SETD2: variants seen among roughly 807,000 people sequenced by gnomAD.
The protein encoded by SETD2 is histone-lysine N-methyltransferase SETD2.
In SETD2, 31 loss-of-function variants were observed where a neutral mutation model predicts 242.1. That is an observed-to-expected ratio of 0.13 (90% CI 0.10 to 0.17). SETD2 has a LOEUF of 0.17. SETD2 is among the 10% of genes least tolerant of loss of function. The pLI, the probability that SETD2 is intolerant of heterozygous loss-of-function variation, is 1.00. For synonymous variants in SETD2, 1,006 were observed against 1,066.5 expected (o/e 0.94, Z 1.11); for missense variants, 2,481 against 3,046.3 (o/e 0.81, Z 4.37).
intron 1 of SETD2, among the ~76,000 whole-genome samples, chr3:47,140,460 T>C (rs1033048094): frequency 1.3e-5 from 2 of 152,176 alleles, no homozygotes; most frequent in African/African-American, 2.4e-5. Context: ...GTTTTCCTCA[T>C]TAGCAAAAAG....
intron 5 of SETD2, among the ~76,000 whole-genome samples, chr3:47,111,131 GC>G (rs1307159048): frequency 6.8e-6 from 1 of 148,108 alleles, no homozygotes. Flanking sequence ...GGCCTGGCTG[GC>G]TAGGGCAGAA....
At chr3:47,023,934 A>G (rs1425661917) in intron 18 of SETD2, among the ~76,000 whole-genome samples, 1 of 152,210 alleles carries the variant, frequency 6.6e-6, no homozygotes, top group African/African-American at 2.4e-5. Flanking sequence ...ATGTGTCTCA[A>G]GGTATTCTTC....
intron 12 of SETD2, among the ~76,000 whole-genome samples, chr3:47,071,501 A>G (rs1193598318): frequency 6.6e-6 from 1 of 152,220 alleles, no homozygotes; most frequent in Non-Finnish European, 1.5e-5. Flanking sequence ...CCCTGGAAAG[A>G]ACTACTGTTT....
chr3:47,125,469 A>C (rs2043294978), intron 2 of SETD2, among the ~76,000 whole-genome samples: 1 of 152,124 alleles, frequency 6.6e-6, no homozygotes, highest in Non-Finnish European at 1.5e-5. Flanking sequence ...TTTTTAAAAA[A>C]AACAAACAAA....
At chr3:47,159,993 A>G (rs1697442412) in intron 1 of SETD2, among the ~76,000 whole-genome samples, 1 of 151,804 alleles carries the variant, frequency 6.6e-6, no homozygotes, top group Non-Finnish European at 1.5e-5. Context: ...AAAAAAGCTA[A>G]ACCCCATCTC....
intron 18 of SETD2, among the ~76,000 whole-genome samples, chr3:47,027,210 C>T (rs993087770): frequency 2.0e-5 from 3 of 151,706 alleles, no homozygotes; most frequent in Admixed American, 6.6e-5. Context: ...TGGTGGCGGG[C>T]GCCTGTAGTC....
intron 14 of SETD2, among the ~76,000 whole-genome samples, chr3:47,058,888 G>A (rs1177992147): frequency 2.0e-5 from 3 of 151,122 alleles, no homozygotes; most frequent in Non-Finnish European, 4.4e-5. Flanking sequence ...TCCACCCCCC[G>A]GGTTCATGCC....
intron 9 of SETD2, among the ~76,000 whole-genome samples, chr3:47,093,924 C>G (rs980845652): frequency 6.6e-6 from 1 of 152,066 alleles, no homozygotes; most frequent in Non-Finnish European, 1.5e-5. Context: ...CAGCTTTCCA[C>G]GTTTATTGGC....
intron 6 of SETD2, among the ~76,000 whole-genome samples, chr3:47,104,739 C>T (rs1352038247): frequency 6.6e-6 from 1 of 152,146 alleles, no homozygotes; most frequent in African/African-American, 2.4e-5. Context: ...GTTCCTATGG[C>T]AGATTTCTGG....
At chr3:47,083,221 C>A (rs903245537) in intron 12 of SETD2, among the ~76,000 whole-genome samples, 1 of 152,150 alleles carries the variant, frequency 6.6e-6, no homozygotes, top group Admixed American at 6.5e-5. Flanking sequence ...TAAAAGCAGG[C>A]CCATTTCAGA....
chr3:47,036,537 A>G (rs2039003110), intron 18 of SETD2, among the ~76,000 whole-genome samples: 1 of 151,984 alleles, frequency 6.6e-6, no homozygotes, highest in Non-Finnish European at 1.5e-5. Flanking sequence ...AAACACAACA[A>G]CAAAACCCAC....
chr3:47,137,955 C>T (rs2043628644), intron 1 of SETD2, among the ~76,000 whole-genome samples: 1 of 151,396 alleles, frequency 6.6e-6, no homozygotes, highest in Admixed American at 6.6e-5. Context: ...TCCCAAAGTA[C>T]TGGGATTACA....
intron 17 of SETD2, among the ~76,000 whole-genome samples, chr3:47,039,211 A>C (rs1056016249): frequency 1.3e-5 from 2 of 151,934 alleles, no homozygotes; most frequent in African/African-American, 4.8e-5. Context: ...AAGAAATACA[A>C]ACTTTTTTTT....
chr3:47,088,098 CATT>C lies in SETD2; in HGVS notation c.5277+12_5277+14del. ...CACAAAACCAGAAATAAAAAACAAA[CATT>C]AAAGTGTTCACCTGTATGAGTTCCA... On this transcript the variant is annotated intron_variant, in intron 10 of 20. Coordinates refer to ENST00000409792, the MANE Select transcript of SETD2 (RefSeq NM_014159.7). 1 of 1,600,140 alleles carries C rather than the reference CATT, an allele frequency of 6.2e-7. No homozygotes were observed. The highest frequency in any genetic ancestry group is 8.5e-7 in the Non-Finnish European group (1 of 1,175,626).
At chr3:47,084,640 G>T (rs1298472928) in intron 11 of SETD2, among the ~76,000 whole-genome samples, 2 of 152,048 alleles carry the variant, frequency 1.3e-5, no homozygotes, top group South Asian at 2.1e-4. Flanking sequence ...TGGCCAGGCT[G>T]GTCTCAAACT....
chr3:47,064,494 A>T (rs903818271), intron 13 of SETD2: 1 of 193,984 alleles, frequency 5.2e-6, no homozygotes, highest in Non-Finnish European at 1.2e-5. Context: ...CCTAGTATAA[A>T]TTTCCTTAAA....
intron 1 of SETD2, among the ~76,000 whole-genome samples, chr3:47,143,838 G>A (rs911253194): frequency 3.3e-5 from 5 of 152,054 alleles, no homozygotes; most frequent in African/African-American, 9.7e-5. Flanking sequence ...AGCCTCCCGA[G>A]TAGCTGGGAC....
chr3:47,138,141 T>G (rs1423566900), intron 1 of SETD2: 1 of 150,192 alleles, frequency 6.7e-6, no homozygotes, highest in Non-Finnish European at 1.5e-5. Flanking sequence ...CTGGCTAATT[T>G]TTTTGTATTT....
intron 17 of SETD2, among the ~76,000 whole-genome samples, chr3:47,042,297 G>A (rs2039316707): frequency 6.6e-6 from 1 of 152,304 alleles, no homozygotes; most frequent in South Asian, 2.1e-4. Flanking sequence ...GGGAGCAGAA[G>A]GTTGCAGTGA....
Sources: gnomAD v4.1 joint callset for allele counts (sites outside exome capture counted in the v4.1 genomes callset) on GRCh38, gnomAD v4.1.1 for gene constraint, MANE v1.5 for transcripts, NCBI Gene and HGNC (gene_info 2026-07-23, HGNC 2026-07-21) for gene names.